The following KCNQ5 variants were observed in gnomAD, a reference collection of about 807,000 sequenced individuals.
KCNQ5 encodes potassium voltage-gated channel subfamily KQT member 5.
In KCNQ5, 30 loss-of-function variants were observed where a neutral mutation model predicts 98.2. The ratio of observed to expected loss-of-function variants is 0.31; its 90% confidence interval spans 0.23 to 0.41. The LOEUF (loss-of-function observed/expected upper bound fraction) is 0.41. Among genes scored for constraint, KCNQ5 ranks in the 10% least tolerant of loss-of-function variants. The probability of loss-of-function intolerance (pLI) is 1.00; values close to 1 mark genes in which losing one functional copy is unlikely to be tolerated. For synonymous variants in KCNQ5, 458 were observed against 449.4 expected, an observed-to-expected ratio of 1.02 and a Z score of -0.24; for missense variants, 835 against 1,182.5, an observed-to-expected ratio of 0.71 and a Z score of 4.31.
intron 11 of KCNQ5, among the ~76,000 whole-genome samples, chr6:73,178,187 C>A (rs1283831512): frequency 1.3e-5 from 2 of 151,358 alleles, no homozygotes; most frequent in Non-Finnish European, 2.9e-5. Flanking sequence ...CAAATTTAGT[C>A]GCCATATCAA....
intron 3 of KCNQ5, among the ~76,000 whole-genome samples, chr6:73,053,812 G>A (rs991015950): frequency 3.3e-5 from 5 of 151,878 alleles, no homozygotes; most frequent in East Asian, 1.9e-4. Context: ...AGAGCAGATC[G>A]ACCCCAAAGC....
intron 3 of KCNQ5, among the ~76,000 whole-genome samples, chr6:73,062,074 T>C (rs2150376286): frequency 6.6e-6 from 1 of 152,286 alleles, no homozygotes; most frequent in South Asian, 2.1e-4. Context: ...CAGGTACTTT[T>C]TGAGTCTGGA....
chr6:72,718,560 C>T (rs1261279204), intron 1 of KCNQ5, among the ~76,000 whole-genome samples: 3 of 149,406 alleles, frequency 2.0e-5, no homozygotes, highest in Admixed American at 1.3e-4. Context: ...AAGTGATTCT[C>T]CTGCCTCAGC....
intron 1 of KCNQ5, among the ~76,000 whole-genome samples, chr6:72,829,776 G>A (rs1200037565): frequency 6.6e-6 from 1 of 152,126 alleles, no homozygotes; most frequent in African/African-American, 2.4e-5. Context: ...AGATGTTTGA[G>A]ACAAAGTAAA....
chr6:73,187,061 C>T lies in KCNQ5; in HGVS notation c.1578-3512C>T, dbSNP rs551300001. Reference sequence around the variant, plus strand: ...GTGGTGTTTAATAACCACCAAAATTCTTTTTTTTTTTTTTTTGAGACGGAG... The same window carrying T: ...GTGGTGTTTAATAACCACCAAAATTTTTTTTTTTTTTTTTTTGAGACGGAG... On this transcript the variant is annotated intron_variant, in intron 11 of 13. Coordinates refer to ENST00000370398, the MANE Select transcript of KCNQ5 (RefSeq NM_019842.4). Among the ~76,000 whole-genome samples the T allele has an allele frequency of 6.5e-3, 894 of 137,212 alleles. 4 individuals are homozygous for T. The highest frequency in any genetic ancestry group is 0.011 in the Non-Finnish European group (677 of 62,908). 90.0% of individuals were successfully genotyped at this position (137,212 alleles called of 152,430 possible). A position where few individuals can be genotyped will look rare whatever the true frequency, so the allele number is the denominator to read the frequency against.
chr6:72,903,524 T>A (rs951050283), intron 1 of KCNQ5, among the ~76,000 whole-genome samples: 1 of 152,168 alleles, frequency 6.6e-6, no homozygotes, highest in African/African-American at 2.4e-5. Context: ...TTTTGATAGG[T>A]TGTGTCACTA....
chr6:72,819,761 T>G (rs1031103804), intron 1 of KCNQ5, among the ~76,000 whole-genome samples: 1 of 152,176 alleles, frequency 6.6e-6, no homozygotes, highest in African/African-American at 2.4e-5. Context: ...ATTTCTCACC[T>G]ATCATGTTTT....
chr6:73,197,620 CACACACACACACACACACACA>C lies in KCNQ5; in HGVS notation c.*2207_*2227del, dbSNP rs1765839681. On this transcript the variant is annotated 3_prime_UTR_variant, in exon 14 of 14. Transcript: ENST00000370398. ...ACACACACACACACACACACACACACACACACACACACACACACACACCCCTCCACTGACCTAAAGCCAGAC... is the reference window on the plus strand; with the variant it reads ...ACACACACACACACACACACACACACCCCCTCCACTGACCTAAAGCCAGAC... 1.4e-5 allele frequency: 2 copies of C among 146,686 alleles called. No individual in the cohort carries two copies. The highest frequency in any genetic ancestry group is 2.2e-4 in the South Asian group (1 of 4,598). The allele number at this position is 146,686 out of a possible 1,614,324, so 9.1% of individuals were successfully genotyped here.
intron 5 of KCNQ5, among the ~76,000 whole-genome samples, chr6:73,086,527 T>C (rs1361721): frequency 0.2 from 31,105 of 152,060 alleles, 6,972 homozygotes; most frequent in African/African-American, 0.56. Flanking sequence ...AAAGCCTCCC[T>C]TCAAGTCAGA....
chr6:73,148,206 GA>G (rs903053939), intron 10 of KCNQ5, among the ~76,000 whole-genome samples: 33 of 152,262 alleles, frequency 2.2e-4, no homozygotes, highest in African/African-American at 7.7e-4. Context: ...TAAATGTCAG[GA>G]AGTATTCCAA....
At chr6:72,807,118 A>G (rs1774996246) in intron 1 of KCNQ5, among the ~76,000 whole-genome samples, 1 of 152,136 alleles carries the variant, frequency 6.6e-6, no homozygotes, top group Non-Finnish European at 1.5e-5. Flanking sequence ...AGGAAGCCCT[A>G]CAATTTAGTT....
chr6:73,137,085 G>T (rs757413515), intron 10 of KCNQ5, among the ~76,000 whole-genome samples: 1 of 150,750 alleles, frequency 6.6e-6, no homozygotes. Flanking sequence ...ACTTGCAATT[G>T]AAAGATAGTA....
Position 73,195,525 on chromosome 6 carries a change from T to G in KCNQ5, c.*111T>G. The G allele has an allele frequency of 7.4e-7, 1 of 1,359,664 alleles. No homozygotes were observed. The highest frequency in any genetic ancestry group is 2.2e-5 in the Admixed American group (1 of 45,700). The allele number at this position is 1,359,664 out of a possible 1,614,324, so 84.2% of individuals were successfully genotyped here. A position where few individuals can be genotyped will look rare whatever the true frequency, so the allele number is the denominator to read the frequency against. The stretch of plus-strand genomic sequence containing the variant: ...GAAATTGCAAGAATCGGGAAGAACA[T>G]GAAAGGCAGTTTATAAGCCCGTTAC... On this transcript the variant is annotated 3_prime_UTR_variant, in exon 14 of 14. Coordinates refer to ENST00000370398, the MANE Select transcript of KCNQ5 (RefSeq NM_019842.4).
Position 73,097,142 on chromosome 6 carries a change from CAT to C in KCNQ5, c.919-8099_919-8098del, listed in dbSNP as rs70994161. 4.7e-3 allele frequency among the ~76,000 whole-genome samples: 575 copies of C among 121,868 alleles called. 10 individuals are homozygous for C. Among genetic ancestry groups the C allele is most frequent in the African/African-American group, 0.014 (536 of 37,526 alleles). 80.0% of individuals were successfully genotyped at this position (121,868 alleles called of 152,430 possible). ...ATTCACCACACTGTGCAATAGATCT[CAT>C]ATATATATATATATACACACACACA... On this transcript the variant is annotated intron_variant, in intron 5 of 13. Transcript: ENST00000370398.
At chr6:72,981,193 C>G (rs1207766272) in intron 1 of KCNQ5, among the ~76,000 whole-genome samples, 1 of 152,010 alleles carries the variant, frequency 6.6e-6, no homozygotes, top group African/African-American at 2.4e-5. Context: ...AGGGAGGATT[C>G]CCTCTTTTTC....
chr6:72,958,050 G>A (rs866334706), intron 1 of KCNQ5, among the ~76,000 whole-genome samples: 1 of 152,184 alleles, frequency 6.6e-6, no homozygotes, highest in African/African-American at 2.4e-5. Flanking sequence ...TAATATAGTG[G>A]GTGCCTGGCA....
At chr6:73,058,670 A>G (rs1450957868) in intron 3 of KCNQ5, among the ~76,000 whole-genome samples, 1 of 152,232 alleles carries the variant, frequency 6.6e-6, no homozygotes. Flanking sequence ...GCATCTGACA[A>G]AGGTCTATTA....
chr6:73,113,424 A>G (rs954522421), intron 7 of KCNQ5, among the ~76,000 whole-genome samples: 6 of 152,344 alleles, frequency 3.9e-5, no homozygotes, highest in East Asian at 1.9e-4. Context: ...GCACATATCA[A>G]TTGTGATGAT....
At chr6:72,807,656 G>A (rs964896956) in intron 1 of KCNQ5, among the ~76,000 whole-genome samples, 8 of 152,106 alleles carry the variant, frequency 5.3e-5, no homozygotes, top group African/African-American at 1.9e-4. Context: ...CTAAAGGCAT[G>A]CACTACTATC....
Sources: allele counts gnomAD v4.1 joint callset (sites outside exome capture counted in the v4.1 genomes callset), GRCh38; gene constraint gnomAD v4.1.1; transcripts MANE v1.5; gene names NCBI Gene and HGNC (gene_info 2026-07-23, HGNC 2026-07-21).